Variants in MAML3 observed in about 807,000 individuals in gnomAD.
The protein encoded by MAML3 is mastermind-like protein 3.
A neutral mutation model predicts 101.9 loss-of-function variants in MAML3; 27 were observed. The ratio of observed to expected loss-of-function variants is 0.27; its 90% CI spans 0.20 to 0.37. MAML3 has a LOEUF of 0.37. Ranked by LOEUF, MAML3 falls within the 10% of genes least tolerant of loss-of-function variation. The probability of loss-of-function intolerance (pLI) is 1.00; values close to 1 mark genes in which losing one functional copy is unlikely to be tolerated. For synonymous variants in MAML3, 501 were observed against 555.9 expected, an observed-to-expected ratio of 0.90 and a Z score of 1.39; for missense variants, 1,316 against 1,444.9, an observed-to-expected ratio of 0.91 and a Z score of 1.45.
intron 1 of MAML3, among the ~76,000 whole-genome samples, chr4:140,006,490 G>A (rs1409941757): frequency 1.3e-5 from 2 of 151,380 alleles, no homozygotes; most frequent in Non-Finnish European, 2.9e-5. Context: ...GGAGGCTGAG[G>A]CAAGAGAATC....
intron 2 of MAML3, among the ~76,000 whole-genome samples, chr4:139,801,291 A>C (rs1730599875): frequency 6.6e-6 from 1 of 152,212 alleles, no homozygotes; most frequent in African/African-American, 2.4e-5. Context: ...ACTAACATAC[A>C]TATATACTAA....
Position 139,730,552 on chromosome 4 carries a change from C to T in MAML3, c.2195G>A (p.Ser732Asn). The T allele has an allele frequency of 1.3e-6, 2 of 1,584,428 alleles. No individual in the cohort carries two copies. Among genetic ancestry groups the T allele is most frequent in the Non-Finnish European group, 8.6e-7 (1 of 1,165,740 alleles). ...CTTCATGATGGCTGCTTGGGGCTGGCTGCCCAGGAAGCCGGGGCCTGCGGG... is the reference window on the plus strand; with the variant it reads ...CTTCATGATGGCTGCTTGGGGCTGGTTGCCCAGGAAGCCGGGGCCTGCGGG... Reference protein sequence around the residue: ...ASPAGPGFLGSQPQAAIMKQM... With the variant: ...ASPAGPGFLGNQPQAAIMKQM... Residue 732 changes from serine to asparagine, a missense_variant, in exon 3 of 5, where the codon AGC becomes AAC. Ser to Asn is a conservative substitution (Grantham distance 46, BLOSUM62 1). Transcript: ENST00000509479.
intron 2 of MAML3, among the ~76,000 whole-genome samples, chr4:139,845,607 C>G (rs192030235): frequency 6.6e-6 from 1 of 152,206 alleles, no homozygotes; most frequent in East Asian, 1.9e-4. Context: ...AAAGCAGGAA[C>G]CTACTTTGAA....
intron 1 of MAML3, among the ~76,000 whole-genome samples, chr4:140,097,322 C>T (rs892433336): frequency 6.6e-6 from 1 of 152,142 alleles, no homozygotes; most frequent in Non-Finnish European, 1.5e-5. Flanking sequence ...CTCTCCTTTC[C>T]TCTCTCCCTC....
chr4:139,949,695 C>G (rs926560059), intron 1 of MAML3, among the ~76,000 whole-genome samples: 2 of 152,184 alleles, frequency 1.3e-5, no homozygotes, highest in Non-Finnish European at 2.9e-5. Flanking sequence ...TTCCTTTTGA[C>G]AAGATTGTTA....
intron 2 of MAML3, among the ~76,000 whole-genome samples, chr4:139,828,645 G>A (rs1032455247): frequency 6.6e-6 from 1 of 150,822 alleles, no homozygotes; most frequent in Non-Finnish European, 1.5e-5. Flanking sequence ...ATGACAGTGT[G>A]GAGTAGGCAC....
At position 139,719,063 on chromosome 4, in the gene MAML3, A is replaced by G; in HGVS notation, c.*260T>C. ...GGGCTCTGGCCGGCTTCATCTTCCC[A>G]CCTGCTCCTCCGGGTGTCTCCCTCT... is the stretch of plus-strand genomic sequence containing the variant. On this transcript the variant is annotated 3_prime_UTR_variant, in exon 5 of 5. Coordinates refer to ENST00000509479, the MANE Select transcript of MAML3 (RefSeq NM_018717.5). The G allele has an allele frequency of 2.2e-6, 1 of 447,676 alleles. No homozygotes were observed. Among genetic ancestry groups the G allele is most frequent in the Non-Finnish European group, 3.9e-6 (1 of 254,060 alleles). 27.7% of individuals were successfully genotyped at this position (447,676 alleles called of 1,614,324 possible).
chr4:139,754,391 T>C (rs1729600527), intron 2 of MAML3, among the ~76,000 whole-genome samples: 1 of 152,216 alleles, frequency 6.6e-6, no homozygotes, highest in Non-Finnish European at 1.5e-5. Context: ...AAAATGATAG[T>C]CACTCAATGT....
chr4:139,757,422 C>T (rs1464670075), intron 2 of MAML3, among the ~76,000 whole-genome samples: 4 of 151,966 alleles, frequency 2.6e-5, no homozygotes, highest in African/African-American at 7.3e-5. Flanking sequence ...TGCTGAGGCA[C>T]GTGGATCACC....
intron 1 of MAML3, among the ~76,000 whole-genome samples, chr4:140,045,510 A>G (rs553163077): frequency 6.6e-6 from 1 of 151,912 alleles, no homozygotes; most frequent in South Asian, 2.1e-4. Flanking sequence ...AATCTAAAAT[A>G]TTCTTCTAAA....
intron 2 of MAML3, among the ~76,000 whole-genome samples, chr4:139,885,653 G>A (rs907830288): frequency 6.6e-6 from 1 of 151,378 alleles, no homozygotes; most frequent in South Asian, 2.1e-4. Context: ...GCCGGGCGCC[G>A]TGGCTCACAC....
At chr4:139,984,988 T>C (rs186202428) in intron 1 of MAML3, among the ~76,000 whole-genome samples, 1 of 152,352 alleles carries the variant, frequency 6.6e-6, no homozygotes, top group African/African-American at 2.4e-5. Flanking sequence ...AAGACAGCTG[T>C]TGCAGCTTTC....
intron 1 of MAML3, among the ~76,000 whole-genome samples, chr4:139,896,424 T>A (rs955855237): frequency 6.6e-6 from 1 of 152,216 alleles, no homozygotes; most frequent in African/African-American, 2.4e-5. Flanking sequence ...TACATATAAA[T>A]GTTTTCTCCC....
At chr4:139,731,595 C>T (rs377744516) in intron 2 of MAML3, among the ~76,000 whole-genome samples, 1 of 151,886 alleles carries the variant, frequency 6.6e-6, no homozygotes, top group African/African-American at 2.4e-5. Flanking sequence ...CCAGCCTGGG[C>T]GACAGAGTGA....
Position 139,896,039 on chromosome 4 carries a change from C to T in MAML3, c.469-5072G>A, listed in dbSNP as rs186036875. On this transcript the variant is annotated intron_variant, in intron 1 of 4. Transcript: ENST00000509479. ...AAAATAGCAGAGCAATCTTAGCATCCCTTCTGTCTGCCTCATCATCCTTTG... is the reference window on the plus strand; with the variant it reads ...AAAATAGCAGAGCAATCTTAGCATCTCTTCTGTCTGCCTCATCATCCTTTG... Among the ~76,000 whole-genome samples the T allele has an allele frequency of 1.6e-4, 25 of 152,238 alleles. No homozygotes were observed. The East Asian group carries it at 4.8e-3, about 29-fold the overall frequency.
At position 140,129,147 on chromosome 4, in the gene MAML3, T is replaced by C. The variant is rs139579103; in HGVS notation, c.468+23713A>G. ...TAATTAGACGAGCCTCAGAAGGTCA[T>C]TGTGAAAACTGAAAGAGATGATAAC... On this transcript the variant is annotated intron_variant, in intron 1 of 4. Coordinates refer to ENST00000509479, the MANE Select transcript of MAML3 (RefSeq NM_018717.5). 4.8e-3 allele frequency among the ~76,000 whole-genome samples: 732 copies of C among 152,276 alleles called. 9 individuals are homozygous for C. Among genetic ancestry groups the C allele is most frequent in the African/African-American group, 0.017 (706 of 41,558 alleles).
chr4:139,869,805 G>A (rs1731967371), intron 2 of MAML3, among the ~76,000 whole-genome samples: 1 of 152,206 alleles, frequency 6.6e-6, no homozygotes, highest in South Asian at 2.1e-4. Flanking sequence ...ACGTTCTGAA[G>A]CTAACAGGCC....
chr4:140,003,225 C>T lies in MAML3; in HGVS notation c.469-112258G>A, dbSNP rs77210664. On this transcript the variant is annotated intron_variant, in intron 1 of 4. Transcript: ENST00000509479. Reference sequence around the variant, plus strand: ...CCAGGCCAGTTCTGCTTTTACTACACCACTGGGTTGGGGTGCATTTGGAAG... The same window carrying T: ...CCAGGCCAGTTCTGCTTTTACTACATCACTGGGTTGGGGTGCATTTGGAAG... 4.5e-3 allele frequency among the ~76,000 whole-genome samples: 683 copies of T among 152,274 alleles called. 11 individuals carry two copies. Among genetic ancestry groups the T allele is most frequent in the African/African-American group, 0.015 (640 of 41,552 alleles).
intron 2 of MAML3, among the ~76,000 whole-genome samples, chr4:139,766,276 A>G (rs1242901679): frequency 1.3e-5 from 2 of 151,876 alleles, no homozygotes; most frequent in Admixed American, 6.6e-5. Context: ...GGTTCAAGCG[A>G]TTCTCCTGCC....
Sources: gnomAD v4.1 joint callset for allele counts (sites outside exome capture counted in the v4.1 genomes callset) on GRCh38, gnomAD v4.1.1 for gene constraint, MANE v1.5 for transcripts, NCBI Gene and HGNC (gene_info 2026-07-23, HGNC 2026-07-21) for gene names.